Variants in RBFOX1 observed in about 807,000 individuals in gnomAD.
The protein encoded by RBFOX1 is RNA binding protein fox-1 homolog 1.
A neutral mutation model predicts 57.7 loss-of-function variants in RBFOX1; 8 were observed. That is an observed-to-expected ratio of 0.14 (90% CI 0.08 to 0.25). The LOEUF is 0.25. RBFOX1 is among the 10% of genes least tolerant of loss of function. RBFOX1 has a pLI of 1.00. For synonymous variants in RBFOX1, 326 were observed against 222.4 expected, an observed-to-expected ratio of 1.47 and a Z score of -4.15; for missense variants, 611 against 548.5, an observed-to-expected ratio of 1.11 and a Z score of -1.14.
chr16:5,497,595 G>T (rs1205505881), intron 2 of RBFOX1, among the ~76,000 whole-genome samples: 1 of 137,612 alleles, frequency 7.3e-6, no homozygotes, highest in Non-Finnish European at 1.5e-5. Flanking sequence ...TGGCCAACGC[G>T]GTGAAACCCT....
At chr16:7,305,047 A>T (rs540672223) in intron 4 of RBFOX1, among the ~76,000 whole-genome samples, 65 of 151,030 alleles carry the variant, frequency 4.3e-4, no homozygotes, top group African/African-American at 1.5e-3. Flanking sequence ...GTCTGCCTTC[A>T]AACTCACTGG....
At chr16:7,268,270 A>G (rs556016670) in intron 4 of RBFOX1, among the ~76,000 whole-genome samples, 86 of 152,270 alleles carry the variant, frequency 5.6e-4, no homozygotes, top group African/African-American at 1.9e-3. Flanking sequence ...CTGTGTTTGC[A>G]TTTTCAAAAT....
intron 3 of RBFOX1, among the ~76,000 whole-genome samples, chr16:6,971,169 T>C (rs914195037): frequency 1.3e-5 from 2 of 152,156 alleles, no homozygotes; most frequent in African/African-American, 4.8e-5. Flanking sequence ...AAGGAAATTA[T>C]TGGGAAAAAG....
intron 3 of RBFOX1, among the ~76,000 whole-genome samples, chr16:6,977,950 A>AAAAAC (rs966357937): frequency 6.6e-6 from 1 of 150,962 alleles, no homozygotes; most frequent in African/African-American, 2.4e-5. Flanking sequence ...AAAAAAAAAA[A>AAAAAC]AGGCAAACCT....
At position 6,723,332 on chromosome 16, in the gene RBFOX1, C is replaced by T. The variant is rs570324325; in HGVS notation, c.-16+68682C>T. Among the ~76,000 whole-genome samples, 29 of 152,092 alleles carry T rather than the reference C, an allele frequency of 1.9e-4. No individual in the cohort carries two copies. In the East Asian group the frequency reaches 4.8e-3, roughly 25 times the overall value. On this transcript the variant is annotated intron_variant, in intron 3 of 15. Coordinates refer to ENST00000550418, the MANE Select transcript of RBFOX1 (RefSeq NM_018723.4). ...TATCAGAGTGGTCGTGAGAATTCAC[C>T]GAGCATAGGCAGGTTATAACATTGA...
At chr16:7,088,922 C>T (rs975239566) in intron 4 of RBFOX1, among the ~76,000 whole-genome samples, 2 of 152,182 alleles carry the variant, frequency 1.3e-5, no homozygotes, top group Admixed American at 1.3e-4. Flanking sequence ...ATCCGCTTCC[C>T]TCCAGTCCCT....
chr16:7,560,290 A>G (rs1011999537), intron 5 of RBFOX1, among the ~76,000 whole-genome samples: 4 of 152,196 alleles, frequency 2.6e-5, no homozygotes, highest in Admixed American at 2.6e-4. Context: ...TACATCTCTG[A>G]TCCTTGCATT....
At chr16:6,890,516 C>G (rs1416641652) in intron 3 of RBFOX1, among the ~76,000 whole-genome samples, 1 of 120,816 alleles carries the variant, frequency 8.3e-6, no homozygotes, top group African/African-American at 3.1e-5. Flanking sequence ...GAGACTCCAT[C>G]TCAAAACAAA....
intron 4 of RBFOX1, among the ~76,000 whole-genome samples, chr16:7,334,991 T>C (rs2096759904): frequency 6.6e-6 from 1 of 152,238 alleles, no homozygotes; most frequent in Admixed American, 6.5e-5. Flanking sequence ...TCTTTCTCAC[T>C]GCTGTGGAAT....
rs1416927932 is a variant in RBFOX1 at position 5,799,856 on chromosome 16, T to C, written c.319-67447T>C. Among the ~76,000 whole-genome samples the C allele has an allele frequency of 2.0e-5, 3 of 152,248 alleles. No individual in the cohort carries two copies. The East Asian group carries it at 5.8e-4, about 29-fold the overall frequency. On this transcript the variant is annotated intron_variant, in intron 3 of 19. Transcript: ENST00000641259. ...TCAACAAATGTTAGTTCCCAGAATA[T>C]AGTGTGGTATGTTTGATTTTTTAAA...
At chr16:6,228,682 C>T (rs777336600) in intron 1 of RBFOX1, among the ~76,000 whole-genome samples, 19 of 151,938 alleles carry the variant, frequency 1.3e-4, no homozygotes, top group Admixed American at 2.6e-4. Flanking sequence ...AGTTGTTGGT[C>T]GGGTACAAAA....
At chr16:6,660,207 A>T (rs1472477494) in intron 3 of RBFOX1, among the ~76,000 whole-genome samples, 1 of 151,256 alleles carries the variant, frequency 6.6e-6, no homozygotes, top group East Asian at 2.0e-4. Flanking sequence ...CTGGGCAATA[A>T]GAGTGAGACT....
intron 1 of RBFOX1, among the ~76,000 whole-genome samples, chr16:5,360,427 G>C (rs1241296949): frequency 6.6e-6 from 1 of 152,230 alleles, no homozygotes; most frequent in African/African-American, 2.4e-5. Flanking sequence ...AAGGTGCCAG[G>C]CTGGCTGGCT....
rs563691711 is a variant in RBFOX1 at position 7,289,166 on chromosome 16, G to A, written c.28-228981G>A. 7.9e-5 allele frequency among the ~76,000 whole-genome samples: 12 copies of A among 152,304 alleles called. No homozygotes were observed. The East Asian group carries it at 2.3e-3, about 29-fold the overall frequency. ...GCTGAGTTACAAAGAAGAAAAAGCA[G>A]TCAGGGTGATGATGGGTATTACATT... On this transcript the variant is annotated intron_variant, in intron 4 of 15. Transcript: ENST00000550418.
At chr16:6,525,009 A>G (rs1239924664) in intron 2 of RBFOX1, among the ~76,000 whole-genome samples, 2 of 152,166 alleles carry the variant, frequency 1.3e-5, no homozygotes, top group African/African-American at 2.4e-5. Context: ...TTTTCAGAGG[A>G]CACTCTTAGT....
intron 14 of RBFOX1, among the ~76,000 whole-genome samples, chr16:7,691,929 T>TC (rs1435355464): frequency 2.0e-5 from 3 of 152,144 alleles, no homozygotes; most frequent in East Asian, 1.9e-4. Context: ...TAGAGGTTAT[T>TC]CTAAGTGCCT....
intron 4 of RBFOX1, among the ~76,000 whole-genome samples, chr16:7,476,091 G>C (rs2062641224): frequency 6.6e-6 from 1 of 152,080 alleles, no homozygotes; most frequent in Non-Finnish European, 1.5e-5. Flanking sequence ...TCAGCATCCT[G>C]AGTAGCTGGG....
intron 3 of RBFOX1, among the ~76,000 whole-genome samples, chr16:6,658,842 G>A (rs2098679962): frequency 6.6e-6 from 1 of 152,020 alleles, no homozygotes; most frequent in Non-Finnish European, 1.5e-5. Context: ...CTCAGAGGGT[G>A]TCCTAGGGAG....
Position 7,331,741 on chromosome 16 carries a change from C to A in RBFOX1, c.28-186406C>A, listed in dbSNP as rs576467053. 2.0e-4 allele frequency among the ~76,000 whole-genome samples: 31 copies of A among 152,172 alleles called. No homozygotes were observed. In the South Asian group the frequency reaches 6.2e-3, roughly 31 times the overall value. Reference sequence around the variant, plus strand: ...GTTCAGAGAGGCTAAGTAACTTGTTCAAGATCACACAGCTAGTGATTATAC... The same window carrying A: ...GTTCAGAGAGGCTAAGTAACTTGTTAAAGATCACACAGCTAGTGATTATAC... On this transcript the variant is annotated intron_variant, in intron 4 of 15. Coordinates refer to ENST00000550418, the MANE Select transcript of RBFOX1 (RefSeq NM_018723.4).
Sources: allele counts gnomAD v4.1 joint callset (sites outside exome capture counted in the v4.1 genomes callset), GRCh38; gene constraint gnomAD v4.1.1; transcripts MANE v1.5; gene names NCBI Gene and HGNC (gene_info 2026-07-23, HGNC 2026-07-21).